Variants in RABEPK observed in about 807,000 individuals in gnomAD.
RABEPK encodes the protein 40 kDa Rab9 effector protein.
Under a neutral mutation model 34.1 loss-of-function variants are expected in RABEPK, and 27 were observed. The ratio of observed to expected loss-of-function variants is 0.79; its 90% CI spans 0.58 to 1.09. The LOEUF (loss-of-function observed/expected upper bound fraction) is 1.09. Among genes scored for constraint, RABEPK ranks in the 50% least tolerant of loss-of-function variants. The probability of loss-of-function intolerance (pLI) is 0.00; values close to 1 mark genes in which losing one functional copy is unlikely to be tolerated. For missense variants in RABEPK, 449 were observed against 462.6 expected, an observed-to-expected ratio of 0.97 and a Z score of 0.27; for synonymous variants, 172 against 169.2, an observed-to-expected ratio of 1.02 and a Z score of -0.13.
At position 125,231,584 on chromosome 9, in the gene RABEPK, C is replaced by T. The variant is rs1832183095; in HGVS notation, c.677-1012C>T. 5.9e-5 allele frequency among the ~76,000 whole-genome samples: 9 copies of T among 151,704 alleles called. No homozygotes were observed. The South Asian group carries it at 1.7e-3, about 28-fold the overall frequency. On this transcript the variant is annotated intron_variant, in intron 6 of 7. Coordinates refer to ENST00000373538, the MANE Select transcript of RABEPK (RefSeq NM_005833.4). Reference sequence around the variant, plus strand: ...CTGGGAGGCCGAGGTGGGTGGATCACGAGGTCAGGAGTTCAAGACCAGCCT... The same window carrying T: ...CTGGGAGGCCGAGGTGGGTGGATCATGAGGTCAGGAGTTCAAGACCAGCCT...
chr9:125,207,708 C>T lies in RABEPK; in HGVS notation c.198C>T (p.His66=). The part of the protein sequence containing the change: ...ANPNRSFSDV[H]TMDLGKHQWD... ...CAAACAGAAGCTTCTCAGACGTGCA[C>T]ACCATGGATCTGGGTAAGATCAGCA... Residue 66 remains histidine (H), a synonymous_variant, in exon 3 of 8, where the codon CAC becomes CAT. Coordinates refer to ENST00000373538, the MANE Select transcript of RABEPK (RefSeq NM_005833.4). 2 of 1,614,120 alleles carry T rather than the reference C, an allele frequency of 1.2e-6. No homozygotes were observed. The highest frequency in any genetic ancestry group is 2.2e-5 in the East Asian group (1 of 44,880).
chr9:125,206,017 A>G (rs568007799), intron 2 of RABEPK, among the ~76,000 whole-genome samples: 1 of 152,196 alleles, frequency 6.6e-6, no homozygotes, highest in Non-Finnish European at 1.5e-5. Context: ...AAGGACAACC[A>G]GAAAAGTGAG....
intron 4 of RABEPK, 34 bp downstream of exon 4, chr9:125,213,556 T>G: frequency 6.3e-7 from 1 of 1,579,694 alleles, no homozygotes; most frequent in South Asian, 1.1e-5. Context: ...TTTACGTACA[T>G]ACAAATAAAC....
At chr9:125,218,035 G>A (rs190912664) in intron 4 of RABEPK, among the ~76,000 whole-genome samples, 36 of 152,032 alleles carry the variant, frequency 2.4e-4, no homozygotes, top group African/African-American at 8.4e-4. Context: ...GTTCAGGCCC[G>A]GCGCGGTAGC....
intron 2 of RABEPK, 144 bp from the exon 3 acceptor site, chr9:125,207,420 A>G: frequency 1.2e-6 from 1 of 838,406 alleles, no homozygotes; most frequent in Non-Finnish European, 1.9e-6. Context: ...ATTATTAATC[A>G]GAGAAGTGCT....
At position 125,232,709 on chromosome 9, in the gene RABEPK, G is replaced by A. The variant is rs769732449; in HGVS notation, c.790G>A (p.Ala264Thr). 4 of 1,613,970 alleles carry A rather than the reference G, an allele frequency of 2.5e-6. No individual in the cohort carries two copies. The highest frequency in any genetic ancestry group is 1.7e-5 in the Admixed American group (1 of 59,992). The change falls in exon 7 of 8, where the codon GCA (alanine) becomes ACA (threonine). Residue 264 changes from alanine to threonine, a missense_variant. Coordinates refer to ENST00000373538, the MANE Select transcript of RABEPK (RefSeq NM_005833.4). ...HVYIFGGMTP[A>T]GALDTMYQYH... ...GTACATCTTTGGTGGAATGACTCCT[G>A]CAGGAGCACTGGACACAATGTACCA...
intron 2 of RABEPK, among the ~76,000 whole-genome samples, chr9:125,205,101 G>A (rs1830139355): frequency 6.6e-6 from 1 of 152,072 alleles, no homozygotes; most frequent in Non-Finnish European, 1.5e-5. Context: ...GAGATTACAG[G>A]TGTGAGCCAC....
intron 4 of RABEPK, 60 bp downstream of exon 4, chr9:125,213,582 C>G: frequency 7.4e-7 from 1 of 1,351,292 alleles, no homozygotes; most frequent in Admixed American, 1.9e-5. Flanking sequence ...TGCACACACA[C>G]ACACATATAT....
At chr9:125,210,738 G>C (rs1049674158) in intron 3 of RABEPK, among the ~76,000 whole-genome samples, 21 of 149,716 alleles carry the variant, frequency 1.4e-4, no homozygotes, top group African/African-American at 4.4e-4. Flanking sequence ...TAAAAGAAAC[G>C]ATTATTCTTT....
intron 2 of RABEPK, among the ~76,000 whole-genome samples, chr9:125,204,084 C>T (rs948759263): frequency 1.3e-5 from 2 of 150,362 alleles, no homozygotes; most frequent in African/African-American, 4.9e-5. Context: ...CCTGTAATCC[C>T]AGCACTTTGG....
In RABEPK at chr9:125,200,563, C is replaced by A. The variant is rs572105756; in HGVS notation, c.-350C>A. ...GGGTGGAGTCACGGCTCGCGACTGG[C>A]CTAAGTCGCCGCAGGTATTGCAGTC... On this transcript the variant is annotated 5_prime_UTR_variant, in exon 1 of 8. Transcript: ENST00000373538. 1.5e-5 allele frequency: 6 copies of A among 402,184 alleles called. No individual in the cohort carries two copies. Among genetic ancestry groups the A allele is most frequent in the Admixed American group, 1.4e-4 (5 of 36,172 alleles). 24.9% of individuals were successfully genotyped at this position (402,184 alleles called of 1,614,324 possible). A position where few individuals can be genotyped will look rare whatever the true frequency, so the allele number is the denominator to read the frequency against.
At chr9:125,228,141 C>A in intron 6 of RABEPK, 82 bp downstream of exon 6, 1 of 1,188,810 alleles carries the variant, frequency 8.4e-7, no homozygotes. Flanking sequence ...CTCTGTCTGT[C>A]ACTCAGGCTG....
In RABEPK at chr9:125,200,674, G is replaced by T. The variant is rs1262815980; in HGVS notation, c.-239G>T. 1 of 471,076 alleles carries T rather than the reference G, an allele frequency of 2.1e-6. No individual in the cohort carries two copies. Among genetic ancestry groups the T allele is most frequent in the Non-Finnish European group, 4.4e-6 (1 of 227,060 alleles). 29.2% of individuals were successfully genotyped at this position (471,076 alleles called of 1,614,324 possible). A position where few individuals can be genotyped will look rare whatever the true frequency, so the allele number is the denominator to read the frequency against. On this transcript the variant is annotated 5_prime_UTR_variant, in exon 1 of 8. Coordinates refer to ENST00000373538, the MANE Select transcript of RABEPK (RefSeq NM_005833.4). Reference sequence around the variant, plus strand: ...GGAGTCTGAATCTTTTAGGGGAGTGGGCCCAAGCCGGGTGCAAAGAACGGG... The same window carrying T: ...GGAGTCTGAATCTTTTAGGGGAGTGTGCCCAAGCCGGGTGCAAAGAACGGG...
chr9:125,218,496 A>C (rs1325912222), intron 4 of RABEPK, among the ~76,000 whole-genome samples: 1 of 152,194 alleles, frequency 6.6e-6, no homozygotes, highest in Non-Finnish European at 1.5e-5. Context: ...CAGGGATGGC[A>C]GTGCCCAGGG....
intron 4 of RABEPK, among the ~76,000 whole-genome samples, chr9:125,214,379 CAG>C (rs1475481342): frequency 1.3e-5 from 2 of 152,128 alleles, no homozygotes; most frequent in Non-Finnish European, 1.5e-5. Flanking sequence ...ACAGCCATCA[CAG>C]GGAAGAATTG....
intron 1 of RABEPK, among the ~76,000 whole-genome samples, chr9:125,201,828 G>C (rs895003061): frequency 1.3e-5 from 2 of 151,632 alleles, no homozygotes; most frequent in African/African-American, 2.4e-5. Flanking sequence ...TGTTGGCCAG[G>C]ATGGTATCGA....
intron 2 of RABEPK, among the ~76,000 whole-genome samples, chr9:125,204,510 G>C (rs375081437): frequency 2.0e-5 from 3 of 152,124 alleles, no homozygotes; most frequent in Non-Finnish European, 4.4e-5. Context: ...GAACCTGGGA[G>C]GTGGAGGTTG....
chr9:125,207,690 A>G lies in RABEPK; in HGVS notation c.180A>G (p.Arg60=). Reference sequence around the variant, plus strand: ...TTGTTGGGGGAGCAAATCCAAACAGAAGCTTCTCAGACGTGCACACCATGG... The same window carrying G: ...TTGTTGGGGGAGCAAATCCAAACAGGAGCTTCTCAGACGTGCACACCATGG... ...VFIVGGANPN[R]SFSDVHTMDL... Residue 60 remains arginine, a synonymous_variant, in exon 3 of 8, where the codon AGA becomes AGG. Transcript: ENST00000373538. The G allele has an allele frequency of 6.2e-7, 1 of 1,614,124 alleles. No individual in the cohort carries two copies. The highest frequency in any genetic ancestry group is 1.3e-5 in the African/African-American group (1 of 75,052).
intron 6 of RABEPK, among the ~76,000 whole-genome samples, chr9:125,231,977 G>A (rs1177293656): frequency 4.9e-5 from 7 of 142,238 alleles, no homozygotes; most frequent in South Asian, 4.7e-4. Flanking sequence ...TCAGCTCAGC[G>A]CAACCTCCGC....
Sources: gnomAD v4.1 joint callset for allele counts (sites outside exome capture counted in the v4.1 genomes callset) on GRCh38, gnomAD v4.1.1 for gene constraint, MANE v1.5 for transcripts, NCBI Gene and HGNC (gene_info 2026-07-23, HGNC 2026-07-21) for gene names.